CEP85L: variants seen among roughly 807,000 people sequenced by gnomAD.
The protein encoded by CEP85L is centrosomal protein of 85 kDa-like.
CEP85L carries 60 observed loss-of-function variants against 100.3 expected under a neutral mutation model. The ratio of observed to expected loss-of-function variants is 0.60; its 90% CI spans 0.49 to 0.74. The LOEUF (loss-of-function observed/expected upper bound fraction) is 0.74, where lower values mean the gene tolerates loss of function less well. CEP85L is among the 30% of genes least tolerant of loss of function. CEP85L has a pLI of 0.00. For missense variants in CEP85L, 973 were observed against 936.2 expected, an observed-to-expected ratio of 1.04 and a Z score of -0.51; for synonymous variants, 319 against 322.7, an observed-to-expected ratio of 0.99 and a Z score of 0.12.
chr6:118,499,565 G>A (rs1295422130), intron 5 of CEP85L, among the ~76,000 whole-genome samples: 1 of 152,098 alleles, frequency 6.6e-6, no homozygotes, highest in Non-Finnish European at 1.5e-5. Context: ...TCGGGAGGCT[G>A]AGGCAGGAGA....
At chr6:118,498,049 C>A (rs12194555) in intron 5 of CEP85L, among the ~76,000 whole-genome samples, 77,516 of 152,024 alleles carry the variant, frequency 0.51, 20,161 homozygotes, top group Middle Eastern at 0.58. Context: ...TCATAAGGTA[C>A]ACTTCATTAC....
chr6:118,491,407 CA>C, intron 6 of CEP85L: 1 of 1,022,554 alleles, frequency 9.8e-7, no homozygotes, highest in South Asian at 4.1e-5. Context: ...ATCATAGACT[CA>C]ATAAGGAAAA....
At chr6:118,501,957 C>T (rs1775333498) in intron 5 of CEP85L, 1 of 890,804 alleles carries the variant, frequency 1.1e-6, no homozygotes, top group Non-Finnish European at 1.8e-6. Flanking sequence ...AGCTTGACTG[C>T]ATCATGAAGG....
At chr6:118,564,477 G>T (rs1275412201) in intron 3 of CEP85L, among the ~76,000 whole-genome samples, 2 of 152,152 alleles carry the variant, frequency 1.3e-5, no homozygotes, top group South Asian at 2.1e-4. Flanking sequence ...TGTTTTGATT[G>T]TGTTGTTTAA....
At chr6:118,605,310 T>C (rs1040884321) in intron 2 of CEP85L, among the ~76,000 whole-genome samples, 3 of 152,212 alleles carry the variant, frequency 2.0e-5, no homozygotes, top group African/African-American at 7.2e-5. Flanking sequence ...CATCAGCCCA[T>C]CCTTCATGGA....
intron 1 of CEP85L, among the ~76,000 whole-genome samples, chr6:118,678,091 T>G (rs1776537905): frequency 6.6e-6 from 1 of 152,220 alleles, no homozygotes; most frequent in Non-Finnish European, 1.5e-5. Flanking sequence ...GGAAGAAAAT[T>G]CTGAAACAGG....
chr6:118,612,795 T>C (rs1362301335), intron 2 of CEP85L, among the ~76,000 whole-genome samples: 6 of 150,666 alleles, frequency 4.0e-5, no homozygotes, highest in African/African-American at 1.2e-4. Context: ...GAGCAGAAAT[T>C]GCTGAAATTG....
chr6:118,697,337 G>A (rs748916482), intron 1 of CEP85L, among the ~76,000 whole-genome samples: 1 of 152,214 alleles, frequency 6.6e-6, no homozygotes, highest in Non-Finnish European at 1.5e-5. Flanking sequence ...GACCCATCCA[G>A]ACACTTGTCA....
chr6:118,479,727 T>A, intron 10 of CEP85L, 144 bp downstream of exon 10: 1 of 435,220 alleles, frequency 2.3e-6, no homozygotes, highest in Non-Finnish European at 4.1e-6. Context: ...AAGATTAATA[T>A]TAAAGAATTT....
chr6:118,571,393 C>A (rs1329301336), intron 2 of CEP85L, among the ~76,000 whole-genome samples: 1 of 152,148 alleles, frequency 6.6e-6, no homozygotes, highest in Non-Finnish European at 1.5e-5. Context: ...TGGTTTCAGA[C>A]AGATTTAAGT....
At chr6:118,600,346 TGTGTGTGTGTGTGTGTGTGTGTGTAA>T (rs1781708978) in intron 2 of CEP85L, among the ~76,000 whole-genome samples, 2 of 133,160 alleles carry the variant, frequency 1.5e-5, no homozygotes, top group South Asian at 2.6e-4. Flanking sequence ...TGTGTGTGTG[TGTGTGTGTGTGTGTGTGTGTGTGTAA>T]CGCCATGGAG....
chr6:118,705,140 C>A lies in CEP85L; in HGVS notation c.-28+4896G>T, dbSNP rs564740202. On this transcript the variant is annotated intron_variant, in intron 1 of 13. Coordinates refer to the CEP85L transcript ENST00000368488. Reference sequence around the variant, plus strand: ...GCTAAGTAACCACATCACCCACACACACCCTTTTCCATTTTCAACTTATTT... The same window carrying A: ...GCTAAGTAACCACATCACCCACACAAACCCTTTTCCATTTTCAACTTATTT... Among the ~76,000 whole-genome samples, 171 of 152,300 alleles carry A rather than the reference C, an allele frequency of 1.1e-3. 1 individual carries two copies. Among genetic ancestry groups the A allele is most frequent in the African/African-American group, 3.9e-3 (163 of 41,568 alleles).
chr6:118,636,896 G>A (rs1231207836), intron 1 of CEP85L, among the ~76,000 whole-genome samples: 1 of 152,090 alleles, frequency 6.6e-6, no homozygotes, highest in African/African-American at 2.4e-5. Flanking sequence ...AATCTCATGA[G>A]CCAATTCTTA....
At chr6:118,488,469 T>C (rs1352761141) in intron 6 of CEP85L, among the ~76,000 whole-genome samples, 6 of 151,560 alleles carry the variant, frequency 4.0e-5, no homozygotes, top group Admixed American at 3.9e-4. Flanking sequence ...CACAGGTATT[T>C]GGAAATTATC....
chr6:118,483,164 A>C (rs1454017488), intron 7 of CEP85L, among the ~76,000 whole-genome samples: 1 of 152,090 alleles, frequency 6.6e-6, no homozygotes, highest in African/African-American at 2.4e-5. Flanking sequence ...GATCTAGTGG[A>C]TTTATAAATA....
intron 1 of CEP85L, among the ~76,000 whole-genome samples, chr6:118,697,512 G>C (rs1347016699): frequency 6.6e-6 from 1 of 152,220 alleles, no homozygotes; most frequent in Non-Finnish European, 1.5e-5. Context: ...TGGTGGGACT[G>C]AGTGGAACTG....
chr6:118,511,733 A>G (rs868773957), intron 4 of CEP85L, among the ~76,000 whole-genome samples: 1 of 152,168 alleles, frequency 6.6e-6, no homozygotes, highest in South Asian at 2.1e-4. Context: ...AATAATAAAG[A>G]TAGTATGAGT....
intron 2 of CEP85L, among the ~76,000 whole-genome samples, chr6:118,610,070 C>T (rs1481396667): frequency 6.6e-6 from 1 of 151,938 alleles, no homozygotes; most frequent in Non-Finnish European, 1.5e-5. Context: ...GTAAACTGTG[C>T]TAAGATATTT....
At chr6:118,589,340 A>G in intron 2 of CEP85L, 1 of 243,064 alleles carries the variant, frequency 4.1e-6, no homozygotes, top group East Asian at 1.1e-4. Flanking sequence ...CTAAAACTGC[A>G]GGAATCAGGA....
Sources: gnomAD v4.1 joint callset for allele counts (sites outside exome capture counted in the v4.1 genomes callset) on GRCh38, gnomAD v4.1.1 for gene constraint, MANE v1.5 for transcripts, NCBI Gene and HGNC (gene_info 2026-07-23, HGNC 2026-07-21) for gene names.